RARB: variants seen among roughly 807,000 people sequenced by gnomAD.
RARB encodes the protein HBV-activated protein.
Under a neutral mutation model 51.9 loss-of-function variants are expected in RARB, and 17 were observed. That is an observed-to-expected ratio of 0.33 (90% CI 0.22 to 0.49). The LOEUF (loss-of-function observed/expected upper bound fraction) is 0.49. Ranked by LOEUF, RARB falls within the 20% of genes least tolerant of loss-of-function variation. The pLI is 0.99. For synonymous variants in RARB, 215 were observed against 195.4 expected (o/e 1.10, Z -0.84); for missense variants, 369 against 550.8 (o/e 0.67, Z 3.30).
chr3:24,857,731 A>C lies in RARB; in HGVS notation c.-458-943A>C, dbSNP rs534344528. 1.6e-4 allele frequency among the ~76,000 whole-genome samples: 25 copies of C among 152,294 alleles called. 1 individual carries two copies. Among genetic ancestry groups the C allele is most frequent in the Non-Finnish European group, 2.9e-4 (20 of 68,030 alleles). On this transcript the variant is annotated intron_variant, in intron 1 of 11. Coordinates refer to the RARB transcript ENST00000383772. ...GGAGTTCAAGACCAGGCTGGGGAAC[A>C]TAGTGAGACCCCTGTCTCTACAAAA... is the stretch of plus-strand genomic sequence containing the variant.
intron 2 of RARB, among the ~76,000 whole-genome samples, chr3:24,936,232 G>C (rs2125396856): frequency 6.6e-6 from 1 of 152,206 alleles, no homozygotes; most frequent in South Asian, 2.1e-4. Context: ...ATGTGTGATG[G>C]TGATGGAACA....
chr3:25,065,062 C>T (rs1257601433), intron 3 of RARB, among the ~76,000 whole-genome samples: 1 of 151,836 alleles, frequency 6.6e-6, no homozygotes, highest in Non-Finnish European at 1.5e-5. Flanking sequence ...TTACCTGGTA[C>T]ACCTCGGGAT....
At chr3:25,207,309 G>C (rs1253042547) in intron 5 of RARB, among the ~76,000 whole-genome samples, 1 of 152,078 alleles carries the variant, frequency 6.6e-6, no homozygotes, top group Admixed American at 6.6e-5. Flanking sequence ...TTCAGATCAC[G>C]TATCTTCTTA....
intron 2 of RARB, among the ~76,000 whole-genome samples, chr3:24,928,948 AAG>A (rs1028792690): frequency 6.6e-6 from 1 of 152,068 alleles, no homozygotes; most frequent in African/African-American, 2.4e-5. Flanking sequence ...ACAGAAAAGA[AAG>A]AGAATATTCT....
intron 2 of RARB, among the ~76,000 whole-genome samples, chr3:24,990,152 G>T (rs1696880631): frequency 9.9e-6 from 1 of 100,736 alleles, no homozygotes; most frequent in Admixed American, 1.3e-4. Flanking sequence ...TTTCACTATT[G>T]TTTATTTTCT....
chr3:24,993,875 A>G (rs1400586661), intron 2 of RARB, among the ~76,000 whole-genome samples: 1 of 152,154 alleles, frequency 6.6e-6, no homozygotes, highest in Admixed American at 6.5e-5. Context: ...CATTGTGTAT[A>G]TATACCATGC....
chr3:25,547,233 A>G (rs1215112864), intron 3 of RARB, among the ~76,000 whole-genome samples: 5 of 152,174 alleles, frequency 3.3e-5, no homozygotes, highest in East Asian at 1.9e-4. Context: ...AGACTCACCA[A>G]TATAAGCCTC....
At chr3:24,865,660 A>G (rs1392474515) in intron 2 of RARB, among the ~76,000 whole-genome samples, 2 of 152,150 alleles carry the variant, frequency 1.3e-5, no homozygotes, top group Non-Finnish European at 2.9e-5. Context: ...AAACCTAGAT[A>G]TATTTTTCTA....
intron 3 of RARB, among the ~76,000 whole-genome samples, chr3:25,079,792 T>A (rs1484245811): frequency 6.6e-6 from 1 of 152,216 alleles, no homozygotes; most frequent in Non-Finnish European, 1.5e-5. Context: ...AGGTTTAAGA[T>A]TTTCATGACT....
At chr3:25,176,788 C>G (rs1294477883) in intron 5 of RARB, among the ~76,000 whole-genome samples, 1 of 152,048 alleles carries the variant, frequency 6.6e-6, no homozygotes, top group African/African-American at 2.4e-5. Flanking sequence ...ACTCAAAATA[C>G]AAGGTAATTA....
chr3:25,503,962 C>T (rs1697439327), intron 3 of RARB, among the ~76,000 whole-genome samples: 1 of 152,168 alleles, frequency 6.6e-6, no homozygotes, highest in African/African-American at 2.4e-5. Flanking sequence ...AAGACATAAC[C>T]AAGACTACAG....
At chr3:25,545,338 C>G (rs961986651) in intron 3 of RARB, among the ~76,000 whole-genome samples, 4 of 152,150 alleles carry the variant, frequency 2.6e-5, no homozygotes, top group Admixed American at 1.3e-4. Context: ...AGGAAGCTCT[C>G]TGCTTTGTCT....
chr3:25,552,070 G>C (rs1401532476), intron 3 of RARB, among the ~76,000 whole-genome samples: 1 of 152,030 alleles, frequency 6.6e-6, no homozygotes, highest in Non-Finnish European at 1.5e-5. Context: ...ACCTGGTTAT[G>C]AACAAGAGCC....
At chr3:25,338,496 A>T (rs1281166021) in intron 5 of RARB, among the ~76,000 whole-genome samples, 1 of 152,138 alleles carries the variant, frequency 6.6e-6, no homozygotes, top group African/African-American at 2.4e-5. Flanking sequence ...CCCACTGTCA[A>T]TTATTGATGG....
chr3:25,494,559 T>C (rs1282913599), intron 2 of RARB, among the ~76,000 whole-genome samples: 1 of 152,220 alleles, frequency 6.6e-6, no homozygotes, highest in East Asian at 1.9e-4. Flanking sequence ...ATAAAAGTTC[T>C]TATCGCACTG....
At chr3:25,295,237 C>T (rs887739503) in intron 5 of RARB, among the ~76,000 whole-genome samples, 2 of 152,098 alleles carry the variant, frequency 1.3e-5, no homozygotes, top group South Asian at 4.1e-4. Context: ...CTCAGAAATC[C>T]ACATGTTGAA....
Position 25,220,092 on chromosome 3 carries a change from T to C in RARB, c.178+45517T>C, listed in dbSNP as rs143393678. 2.7e-3 allele frequency among the ~76,000 whole-genome samples: 408 copies of C among 152,336 alleles called. 2 individuals carry two copies. Among genetic ancestry groups the C allele is most frequent in the African/African-American group, 9.4e-3 (392 of 41,570 alleles). ...ATAAAATAACAAGAAATCCACTATT[T>C]AACATGTTTCATAAAATTCTCACCT... On this transcript the variant is annotated intron_variant, in intron 5 of 11. Transcript: ENST00000383772.
chr3:24,857,785 A>G (rs1357757923), intron 1 of RARB, among the ~76,000 whole-genome samples: 2 of 152,136 alleles, frequency 1.3e-5, no homozygotes, highest in Non-Finnish European at 2.9e-5. Context: ...AAATAGCTTG[A>G]AGTGGTGGCA....
At chr3:24,900,915 T>A (rs191458793) in intron 2 of RARB, among the ~76,000 whole-genome samples, 53 of 152,346 alleles carry the variant, frequency 3.5e-4, no homozygotes, top group African/African-American at 1.2e-3. Flanking sequence ...TTCATTTACA[T>A]AATATGGGAT....
Sources: allele counts gnomAD v4.1 joint callset (sites outside exome capture counted in the v4.1 genomes callset), GRCh38; gene constraint gnomAD v4.1.1; transcripts MANE v1.5; gene names NCBI Gene and HGNC (gene_info 2026-07-23, HGNC 2026-07-21).